PPP2R1B: variants seen among roughly 807,000 people sequenced by gnomAD.
PPP2R1B encodes protein phosphatase 2 scaffold subunit Abeta.
In PPP2R1B, 58 loss-of-function variants were observed where a neutral mutation model predicts 72.7. That is an observed-to-expected ratio of 0.80 (90% CI 0.65 to 0.99). The LOEUF (loss-of-function observed/expected upper bound fraction) is 0.99, where lower values mean the gene tolerates loss of function less well. Among genes scored for constraint, PPP2R1B ranks in the 50% least tolerant of loss-of-function variants. PPP2R1B has a pLI of 0.00. For synonymous variants in PPP2R1B, 256 were observed against 264.6 expected, an observed-to-expected ratio of 0.97 and a Z score of 0.32; for missense variants, 695 against 733.6, an observed-to-expected ratio of 0.95 and a Z score of 0.61.
intron 10 of PPP2R1B, among the ~76,000 whole-genome samples, chr11:111,748,920 C>T (rs2136066720): frequency 6.6e-6 from 1 of 151,996 alleles, no homozygotes; most frequent in South Asian, 2.1e-4. Flanking sequence ...AATCTCAGCT[C>T]ACTGCAACCT....
chr11:111,697,276 T>C, the PPP2R1B span, among the ~76,000 whole-genome samples: 1 of 152,192 alleles, frequency 6.6e-6, no homozygotes, highest in Non-Finnish European at 1.5e-5. Flanking sequence ...TCCTGTCACA[T>C]AGTAAAGCAC....
the PPP2R1B span, among the ~76,000 whole-genome samples, chr11:111,694,282 A>T: frequency 6.6e-6 from 1 of 152,204 alleles, no homozygotes; most frequent in East Asian, 1.9e-4. Flanking sequence ...ACCTTTTAGG[A>T]CCAAGGAAAG....
chr11:111,712,942 A>G, the PPP2R1B span, among the ~76,000 whole-genome samples: 1 of 152,192 alleles, frequency 6.6e-6, no homozygotes, highest in Admixed American at 6.5e-5. Flanking sequence ...AGGCGGGCAG[A>G]TTGCCTGAGC....
chr11:111,720,598 T>C, the PPP2R1B span: 1 of 1,614,116 alleles, frequency 6.2e-7, no homozygotes, highest in Non-Finnish European at 8.5e-7. Flanking sequence ...AAGGACATCA[T>C]GTTAGCCAAT....
the PPP2R1B span, among the ~76,000 whole-genome samples, chr11:111,718,249 T>C: frequency 1.6e-4 from 25 of 152,320 alleles, no homozygotes; most frequent in East Asian, 1.3e-3. Flanking sequence ...GAAAATTGTA[T>C]TAGTAGAGAG....
the PPP2R1B span, among the ~76,000 whole-genome samples, chr11:111,710,564 A>G: frequency 3.3e-5 from 5 of 152,232 alleles, no homozygotes; most frequent in Admixed American, 3.3e-4. Flanking sequence ...AGTATTTGAG[A>G]ACGAGACTGC....
chr11:111,740,547 T>C lies in PPP2R1B; in HGVS notation c.*1049A>G, dbSNP rs116776512. The C allele has an allele frequency of 1.6e-3, 1,532 of 985,126 alleles. 30 individuals carry two copies. The African/African-American group carries it at 0.025, about 16-fold the overall frequency. The allele number at this position is 985,126 out of a possible 1,614,324, so 61.0% of individuals were successfully genotyped here. On this transcript the variant is annotated 3_prime_UTR_variant, in exon 15 of 15. Coordinates refer to ENST00000527614, the MANE Select transcript of PPP2R1B (RefSeq NM_002716.5). ...TCACTATTAATTTGCTTCAGTAAAC[T>C]CTTCAGCTTAACTCATTATCTTAAA...
the PPP2R1B span, among the ~76,000 whole-genome samples, chr11:111,697,076 G>A: frequency 1.3e-5 from 2 of 152,290 alleles, no homozygotes; most frequent in South Asian, 4.1e-4. Context: ...ATGCCAGTGA[G>A]AGACATAAAG....
At chr11:111,688,181 G>C in the PPP2R1B span, 1 of 1,613,786 alleles carries the variant, frequency 6.2e-7, no homozygotes, top group Non-Finnish European at 8.5e-7. This position sits in a 1 kb window ranked among gnomAD's most constrained non-coding sequence, Gnocchi z 4.2. Context: ...GACACAACTG[G>C]CTCTAATAAG....
intron 9 of PPP2R1B, 43 bp from the exon 10 acceptor site, chr11:111,752,375 G>A: frequency 6.5e-7 from 1 of 1,542,444 alleles, no homozygotes; most frequent in Non-Finnish European, 8.8e-7. Context: ...TAAAAATCAA[G>A]TACTCTGCCC....
At chr11:111,709,558 A>C in the PPP2R1B span, among the ~76,000 whole-genome samples, 19 of 152,222 alleles carry the variant, frequency 1.2e-4, no homozygotes, top group Non-Finnish European at 2.4e-4. Flanking sequence ...TGTTGGACAT[A>C]ATCATTGCGT....
the PPP2R1B span, among the ~76,000 whole-genome samples, chr11:111,693,230 G>T: frequency 6.6e-6 from 1 of 152,038 alleles, no homozygotes; most frequent in Non-Finnish European, 1.5e-5. Flanking sequence ...TACTCAGGAG[G>T]CTGAGGCAGG....
intron 9 of PPP2R1B, among the ~76,000 whole-genome samples, chr11:111,752,692 T>C (rs566393887): frequency 9.9e-5 from 15 of 152,252 alleles, no homozygotes; most frequent in Admixed American, 3.9e-4. Flanking sequence ...AATGGGATAA[T>C]TGGCCGGGTG....
rs545231707 is a variant in PPP2R1B at position 111,732,374 on chromosome 11, C to T, written c.1911+5074G>A. On this transcript the variant is annotated intron_variant, in intron 15 of 15. Coordinates refer to the PPP2R1B transcript ENST00000311129. The stretch of plus-strand genomic sequence containing the variant: ...CCCCACCAGGGACCAAAGTTAGGAA[C>T]CCCTGACTCAGCCTCTGCTCTCTCA... 1.1e-3 allele frequency among the ~76,000 whole-genome samples: 167 copies of T among 152,302 alleles called. 1 individual carries two copies. The highest frequency in any genetic ancestry group is 3.7e-3 in the African/African-American group (154 of 41,560).
chr11:111,740,511 A>G lies in PPP2R1B; in HGVS notation c.*1085T>C, dbSNP rs1469274414. 1 of 985,176 alleles carries G rather than the reference A, an allele frequency of 1.0e-6. No homozygotes were observed. Among genetic ancestry groups the G allele is most frequent in the Non-Finnish European group, 1.2e-6 (1 of 829,822 alleles). 61.0% of individuals were successfully genotyped at this position (985,176 alleles called of 1,614,324 possible). A position where few individuals can be genotyped will look rare whatever the true frequency, so the allele number is the denominator to read the frequency against. On this transcript the variant is annotated 3_prime_UTR_variant, in exon 15 of 15. Coordinates refer to ENST00000527614, the MANE Select transcript of PPP2R1B (RefSeq NM_002716.5). ...GCTTTAATACTGTTTAAGTAGTTCA[A>G]ATAGGCTTCCTCACTATTAATTTGC...
Position 111,739,180 on chromosome 11 carries a change from T to C in PPP2R1B, c.*2416A>G, listed in dbSNP as rs1169895388. 8.1e-6 allele frequency: 8 copies of C among 984,980 alleles called. No homozygotes were observed. The highest frequency in any genetic ancestry group is 5.2e-5 in the African/African-American group (3 of 57,228). The allele number at this position is 984,980 out of a possible 1,614,324, so 61.0% of individuals were successfully genotyped here. On this transcript the variant is annotated 3_prime_UTR_variant, in exon 15 of 15. Coordinates refer to ENST00000527614, the MANE Select transcript of PPP2R1B (RefSeq NM_002716.5). Reference sequence around the variant, plus strand: ...GAGGATATTTTAGAAATTCATCCATTGAACACATTTTTATTGAGCACCTAT... The same window carrying C: ...GAGGATATTTTAGAAATTCATCCATCGAACACATTTTTATTGAGCACCTAT...
In PPP2R1B at chr11:111,755,278, A is replaced by G. The variant is rs1945061549; in HGVS notation, c.843+17T>C. 1.3e-6 allele frequency: 2 copies of G among 1,592,434 alleles called. No homozygotes were observed. The highest frequency in any genetic ancestry group is 2.7e-5 in the African/African-American group (2 of 73,718). The stretch of plus-strand genomic sequence containing the variant: ...TTTCAGGTTTATTTCCTTAGTACTT[A>G]AAAATGATCACTTTACCTCTGAAAA... On this transcript the variant is annotated intron_variant, in intron 6 of 14. Coordinates refer to ENST00000527614, the MANE Select transcript of PPP2R1B (RefSeq NM_002716.5).
the PPP2R1B span, chr11:111,721,072 T>A: frequency 7.5e-6 from 12 of 1,606,330 alleles, no homozygotes; most frequent in South Asian, 1.3e-4. Context: ...GGTGGGTACC[T>A]TGGGCCCTTC....
In PPP2R1B at chr11:111,755,461, A is replaced by C; in HGVS notation, c.688-11T>G. 1.3e-6 allele frequency: 2 copies of C among 1,591,692 alleles called. No individual in the cohort carries two copies. The highest frequency in any genetic ancestry group is 1.7e-6 in the Non-Finnish European group (2 of 1,173,140). ...GAGGCGCACTGAATCCTAAAGGAAC[A>C]AAATTTCTGTAATTCAGACATTTAC... is the stretch of plus-strand genomic sequence containing the variant. On this transcript the variant is annotated splice_polypyrimidine_tract_variant and intron_variant, in intron 5 of 14. Transcript: ENST00000527614.
Sources: gnomAD v4.1 joint callset for allele counts (sites outside exome capture counted in the v4.1 genomes callset) on GRCh38, gnomAD v4.1.1 for gene constraint, Gnocchi (gnomAD v3.1) non-coding constraint, MANE v1.5 for transcripts, NCBI Gene and HGNC (gene_info 2026-07-23, HGNC 2026-07-21) for gene names.